The following SYNDIG1 variants were observed in gnomAD, a reference collection of about 807,000 sequenced individuals.
SYNDIG1 encodes synapse differentiation inducing 1, also known as synapse differentiation-inducing gene protein 1.
Under a neutral mutation model 19.4 loss-of-function variants are expected in SYNDIG1, and 9 were observed. That is an observed-to-expected ratio of 0.46 (90% CI 0.28 to 0.81). The LOEUF is 0.81. Among genes scored for constraint, SYNDIG1 ranks in the 30% least tolerant of loss-of-function variants. The pLI, the probability that SYNDIG1 is intolerant of heterozygous loss-of-function variation, is 0.12. For missense variants in SYNDIG1, 311 were observed against 343.3 expected (o/e 0.91, Z 0.74); for synonymous variants, 141 against 145.9 (o/e 0.97, Z 0.24).
intron 2 of SYNDIG1, among the ~76,000 whole-genome samples, chr20:24,576,829 C>A (rs1466291359): frequency 6.6e-6 from 1 of 152,128 alleles, no homozygotes; most frequent in Non-Finnish European, 1.5e-5. Flanking sequence ...CGTAAGGATT[C>A]CTAAATCCTC....
chr20:24,623,457 GA>G (rs370285189), intron 3 of SYNDIG1, among the ~76,000 whole-genome samples: 3 of 151,886 alleles, frequency 2.0e-5, no homozygotes, highest in East Asian at 1.9e-4. Context: ...TCTACATAAA[GA>G]AAAAAAGTAC....
At chr20:24,549,247 T>C (rs2146779329) in intron 2 of SYNDIG1, among the ~76,000 whole-genome samples, 1 of 152,300 alleles carries the variant, frequency 6.6e-6, no homozygotes, top group East Asian at 1.9e-4. Flanking sequence ...CTCTCTACTA[T>C]TCTTCCTTCT....
rs556541140 is a variant in SYNDIG1, at chr20:24,575,038, A to T, written c.481-9818A>T. Among the ~76,000 whole-genome samples the T allele has an allele frequency of 2.0e-5, 3 of 152,314 alleles. No homozygotes were observed. In the South Asian group the frequency reaches 6.2e-4, roughly 32 times the overall value. ...GTAGATATTGCCAGGGAAACCCTGG[A>T]TGTGCTTCCCCAGCCTCATCCCATT... On this transcript the variant is annotated intron_variant, in intron 2 of 3. Coordinates refer to ENST00000376862, the MANE Select transcript of SYNDIG1 (RefSeq NM_024893.3).
rs569931559 is a variant in SYNDIG1 at position 24,658,867 on chromosome 20, A to T, written c.619-6479A>T. 6.6e-6 allele frequency among the ~76,000 whole-genome samples: 1 copy of T among 152,298 alleles called. No individual in the cohort carries two copies. The highest frequency in any genetic ancestry group is 2.4e-5 in the African/African-American group (1 of 41,560). ...GTTTACTTTTAAATTAGTTAAAATT[A>T]AATAATATTAAAATTCGGTTCTGCA... is the stretch of plus-strand genomic sequence containing the variant. On this transcript the variant is annotated intron_variant, in intron 3 of 3. Coordinates refer to ENST00000376862, the MANE Select transcript of SYNDIG1 (RefSeq NM_024893.3). The surrounding 1 kb of genome is among the most constrained non-coding windows in gnomAD (Gnocchi z 4.4).
chr20:24,484,765 A>T (rs1316170531), intron 1 of SYNDIG1, among the ~76,000 whole-genome samples: 2 of 152,238 alleles, frequency 1.3e-5, no homozygotes, highest in East Asian at 1.9e-4. Flanking sequence ...CCAGAAATTT[A>T]TCTAGATCTA....
At chr20:24,642,771 C>T (rs2059390779) in intron 3 of SYNDIG1, among the ~76,000 whole-genome samples, 1 of 152,058 alleles carries the variant, frequency 6.6e-6, no homozygotes, top group Non-Finnish European at 1.5e-5. Flanking sequence ...TGTATGCTTC[C>T]TGTCCACGTC....
chr20:24,651,699 C>T (rs768492254), intron 3 of SYNDIG1, among the ~76,000 whole-genome samples: 1 of 152,222 alleles, frequency 6.6e-6, no homozygotes, highest in Non-Finnish European at 1.5e-5. Flanking sequence ...TGACCTGCTT[C>T]CTGCATCCTT....
At chr20:24,551,051 T>C (rs537396094) in intron 2 of SYNDIG1, among the ~76,000 whole-genome samples, 2 of 152,346 alleles carry the variant, frequency 1.3e-5, no homozygotes, top group Admixed American at 1.3e-4. Context: ...ATTTCTCTCT[T>C]TATTTTCTGA....
chr20:24,657,311 C>G (rs962879434), intron 3 of SYNDIG1, among the ~76,000 whole-genome samples: 40 of 152,154 alleles, frequency 2.6e-4, no homozygotes, highest in Admixed American at 5.2e-4. Flanking sequence ...ATGGTGATGT[C>G]TGTAAATTGA....
intron 1 of SYNDIG1, among the ~76,000 whole-genome samples, chr20:24,507,546 C>T (rs918195734): frequency 6.6e-6 from 1 of 152,210 alleles, no homozygotes; most frequent in African/African-American, 2.4e-5. Flanking sequence ...GCCCTTGCCA[C>T]ACTCTGCTGC....
chr20:24,555,698 A>G (rs905128016), intron 2 of SYNDIG1, among the ~76,000 whole-genome samples: 1 of 152,048 alleles, frequency 6.6e-6, no homozygotes, highest in African/African-American at 2.4e-5. Flanking sequence ...GTTCTTTTAC[A>G]TTTGCTGAGG....
intron 1 of SYNDIG1, among the ~76,000 whole-genome samples, chr20:24,477,933 GAC>G (rs2055681971): frequency 1.3e-5 from 2 of 152,234 alleles, no homozygotes; most frequent in Non-Finnish European, 2.9e-5. Flanking sequence ...CTGGACCTAA[GAC>G]ACAGACGTGG....
chr20:24,664,200 C>T (rs1568725069), intron 3 of SYNDIG1, among the ~76,000 whole-genome samples: 1 of 152,144 alleles, frequency 6.6e-6, no homozygotes, highest in Non-Finnish European at 1.5e-5. Context: ...AGCTCAGAGA[C>T]CATGGAAGAT....
At chr20:24,610,313 T>C (rs1051629769) in intron 3 of SYNDIG1, among the ~76,000 whole-genome samples, 3 of 152,230 alleles carry the variant, frequency 2.0e-5, no homozygotes, top group African/African-American at 7.2e-5. Flanking sequence ...CCTTTGGGAA[T>C]GTCATACTGA....
At chr20:24,575,641 CA>C (rs1424507992) in intron 2 of SYNDIG1, among the ~76,000 whole-genome samples, 2 of 152,076 alleles carry the variant, frequency 1.3e-5, no homozygotes, top group Non-Finnish European at 2.9e-5. Flanking sequence ...TTTTTCTGTA[CA>C]GAAAAGTTTC....
rs149522333 is a variant in SYNDIG1, at chr20:24,567,616, C to T, written c.481-17240C>T. ...CTCCTCCTTTCTGGAGACATCCCTG[C>T]AAGTCTTAGCTTCCAAGCACCGCTC... On this transcript the variant is annotated intron_variant, in intron 2 of 3. Coordinates refer to ENST00000376862, the MANE Select transcript of SYNDIG1 (RefSeq NM_024893.3). Among the ~76,000 whole-genome samples, 42 of 152,324 alleles carry T rather than the reference C, an allele frequency of 2.8e-4. No homozygotes were observed. In the East Asian group the frequency reaches 8.1e-3, roughly 29 times the overall value.
chr20:24,477,960 C>T (rs1866026304), intron 1 of SYNDIG1, among the ~76,000 whole-genome samples: 1 of 152,202 alleles, frequency 6.6e-6, no homozygotes, highest in Non-Finnish European at 1.5e-5. Context: ...CCAGCATTAC[C>T]GACCTCAGGA....
Position 24,666,204 on chromosome 20 carries a change from T to A in SYNDIG1, c.*700T>A, listed in dbSNP as rs2059645730. The A allele has an allele frequency of 6.6e-6, 1 of 152,414 alleles. No individual in the cohort carries two copies. Among genetic ancestry groups the A allele is most frequent in the African/African-American group, 2.4e-5 (1 of 41,352 alleles). 9.4% of individuals were successfully genotyped at this position (152,414 alleles called of 1,614,324 possible). On this transcript the variant is annotated 3_prime_UTR_variant, in exon 4 of 4. Transcript: ENST00000376862. ...CGCAGCAATACGCACTCTTGGGACC[T>A]CGCTGATCTAGGATGGGGAGGCAGG... is the stretch of plus-strand genomic sequence containing the variant.
chr20:24,632,208 G>A (rs1264083240), intron 3 of SYNDIG1, among the ~76,000 whole-genome samples: 1 of 152,098 alleles, frequency 6.6e-6, no homozygotes, highest in African/African-American at 2.4e-5. Flanking sequence ...TGAATTCCCT[G>A]CTGCGTAGAT....
Sources: gnomAD v4.1 joint callset for allele counts (sites outside exome capture counted in the v4.1 genomes callset) on GRCh38, gnomAD v4.1.1 for gene constraint, Gnocchi (gnomAD v3.1) non-coding constraint, MANE v1.5 for transcripts, NCBI Gene and HGNC (gene_info 2026-07-23, HGNC 2026-07-21) for gene names.